Variants in LCA5 observed in about 807,000 individuals in gnomAD.
LCA5 encodes the protein lebercilin.
Under a neutral mutation model 53.0 loss-of-function variants are expected in LCA5, and 37 were observed. That is an observed-to-expected ratio of 0.70 (90% CI 0.54 to 0.92). The LOEUF (loss-of-function observed/expected upper bound fraction) is 0.92. LCA5 is among the 40% of genes least tolerant of loss of function. LCA5 has a pLI of 0.00. For synonymous variants in LCA5, 303 were observed against 282.9 expected (o/e 1.07, Z -0.71); for missense variants, 806 against 790.5 (o/e 1.02, Z -0.23).
chr6:79,492,903 A>ACCT (rs1243931142), intron 4 of LCA5, among the ~76,000 whole-genome samples: 1 of 152,040 alleles, frequency 6.6e-6, no homozygotes, highest in Non-Finnish European at 1.5e-5. Context: ...ACTCATTCTT[A>ACCT]CCTGATAGAG....
At position 79,519,062 on chromosome 6, in the gene LCA5, A is replaced by G. The variant is rs1174525241; in HGVS notation, c.-168T>C. The G allele has an allele frequency of 6.6e-6, 5 of 753,752 alleles. No individual in the cohort carries two copies. The highest frequency in any genetic ancestry group is 1.1e-5 in the Non-Finnish European group (5 of 447,292). 46.7% of individuals were successfully genotyped at this position (753,752 alleles called of 1,614,324 possible). A position where few individuals can be genotyped will look rare whatever the true frequency, so the allele number is the denominator to read the frequency against. ...TTTGTAGACCACAATTCACATTGGC[A>G]TCCAGAAGATAAACTTTTTTGCCCT... On this transcript the variant is annotated 5_prime_UTR_variant, in exon 2 of 8. An upstream start codon of the reference 5' UTR is lost. Transcript: ENST00000369846.
At chr6:79,511,185 A>G (rs1770400500) in intron 3 of LCA5, among the ~76,000 whole-genome samples, 1 of 152,194 alleles carries the variant, frequency 6.6e-6, no homozygotes, top group African/African-American at 2.4e-5. Context: ...AAAAATGTGC[A>G]CATAAGTGGT....
chr6:79,517,371 A>C (rs952733248), intron 2 of LCA5, among the ~76,000 whole-genome samples: 10 of 152,084 alleles, frequency 6.6e-5, no homozygotes, highest in Non-Finnish European at 1.5e-5. Context: ...TTTCTGGGGA[A>C]TGAAGAAAAA....
At chr6:79,516,303 G>A (rs1050228996) in intron 2 of LCA5, among the ~76,000 whole-genome samples, 2 of 151,620 alleles carry the variant, frequency 1.3e-5, no homozygotes, top group South Asian at 2.1e-4. Flanking sequence ...GTATATATAC[G>A]CTATTATGGG....
At chr6:79,507,559 TGGTAG>T (rs923032233) in intron 3 of LCA5, among the ~76,000 whole-genome samples, 10 of 152,026 alleles carry the variant, frequency 6.6e-5, no homozygotes, top group African/African-American at 2.2e-4. Context: ...TGTATATGTA[TGGTAG>T]ATGCACCTGA....
chr6:79,501,992 T>C (rs565930993), intron 3 of LCA5, among the ~76,000 whole-genome samples: 33 of 152,048 alleles, frequency 2.2e-4, no homozygotes, highest in African/African-American at 7.5e-4. Context: ...AGCAGGGCAG[T>C]GGGGGGAAGA....
chr6:79,487,734 T>G lies in LCA5; in HGVS notation c.1364A>C (p.Gln455Pro), dbSNP rs769955953. 5.0e-6 allele frequency: 8 copies of G among 1,613,848 alleles called. 1 individual carries two copies. In the South Asian group the frequency reaches 8.8e-5, roughly 18 times the overall value. ...CTTCAGTCTTTCTTCTTCCTCTCCT[T>G]GCAATTTATCCATATTCTGAATTGG... is the stretch of plus-strand genomic sequence containing the variant. Reference protein sequence around the residue: ...MYPIQNMDKLQGEEEERLKRE... With the variant: ...MYPIQNMDKLPGEEEERLKRE... The change falls in exon 8 of 8, where the codon CAA becomes CCA. Residue 455 changes from glutamine (Q) to proline (P), a missense_variant. Gln to Pro is a moderately conservative substitution (Grantham distance 76). Transcript: ENST00000369846.
At position 79,485,705 on chromosome 6, in the gene LCA5, G is replaced by A. The variant is rs1005001280; in HGVS notation, c.*1299C>T. The A allele has an allele frequency of 6.6e-6, 1 of 151,910 alleles. No homozygotes were observed. The highest frequency in any genetic ancestry group is 2.1e-4 in the South Asian group (1 of 4,810). The allele number at this position is 151,910 out of a possible 1,614,324, so 9.4% of individuals were successfully genotyped here. A position where few individuals can be genotyped will look rare whatever the true frequency, so the allele number is the denominator to read the frequency against. ...TGACTGGCGTCAGAAATCATACTAC[G>A]AGCAAATGCTAGTAAATTCTTGAAA... On this transcript the variant is annotated 3_prime_UTR_variant, in exon 8 of 8. Transcript: ENST00000369846.
intron 5 of LCA5, among the ~76,000 whole-genome samples, chr6:79,492,167 C>G (rs1769862353): frequency 6.6e-6 from 1 of 151,728 alleles, no homozygotes; most frequent in African/African-American, 2.4e-5. Flanking sequence ...TTATAATACT[C>G]TGGAGAAAAG....
At chr6:79,532,659 A>T (rs1303568544) in intron 1 of LCA5, among the ~76,000 whole-genome samples, 1 of 152,130 alleles carries the variant, frequency 6.6e-6, no homozygotes, top group African/African-American at 2.4e-5. Context: ...CTCAGCACAA[A>T]TGTCACCTTC....
At chr6:79,510,536 C>T (rs1052261650) in intron 3 of LCA5, among the ~76,000 whole-genome samples, 4 of 152,086 alleles carry the variant, frequency 2.6e-5, no homozygotes, top group African/African-American at 7.2e-5. Flanking sequence ...GGATAGGTGA[C>T]GTGTTAGACT....
chr6:79,535,688 C>T (rs16890832), intron 1 of LCA5, among the ~76,000 whole-genome samples: 3,877 of 151,958 alleles, frequency 0.026, 60 homozygotes, highest in Middle Eastern at 0.071. Flanking sequence ...AAATTAGCTA[C>T]AAAAGTTTGA....
chr6:79,504,965 T>C (rs946646203), intron 3 of LCA5, among the ~76,000 whole-genome samples: 1 of 152,160 alleles, frequency 6.6e-6, no homozygotes, highest in Non-Finnish European at 1.5e-5. Context: ...CATTAATATA[T>C]AGATATGAGA....
chr6:79,494,733 T>C (rs1222539497), intron 3 of LCA5, among the ~76,000 whole-genome samples: 1 of 152,204 alleles, frequency 6.6e-6, no homozygotes, highest in African/African-American at 2.4e-5. Context: ...TATCGTACTT[T>C]ACAGATTATC....
chr6:79,535,288 T>C (rs1767079370), intron 1 of LCA5, among the ~76,000 whole-genome samples: 1 of 152,058 alleles, frequency 6.6e-6, no homozygotes, highest in Non-Finnish European at 1.5e-5. Flanking sequence ...CCAAGGCTCT[T>C]CAGTAGGGTT....
At chr6:79,489,996 C>T (rs879808807) in intron 6 of LCA5, among the ~76,000 whole-genome samples, 1 of 152,016 alleles carries the variant, frequency 6.6e-6, no homozygotes, top group African/African-American at 2.4e-5. Flanking sequence ...CCCTTTCCCA[C>T]AGGGGTGGAA....
intron 3 of LCA5, among the ~76,000 whole-genome samples, chr6:79,500,671 G>A (rs1034683063): frequency 6.6e-6 from 1 of 152,124 alleles, no homozygotes; most frequent in Non-Finnish European, 1.5e-5. Context: ...AAAGCATACT[G>A]GTTTCATTAT....
At chr6:79,512,387 G>A (rs1454338665) in intron 3 of LCA5, among the ~76,000 whole-genome samples, 1 of 152,012 alleles carries the variant, frequency 6.6e-6, no homozygotes, top group Non-Finnish European at 1.5e-5. Flanking sequence ...CCCCGTCCCT[G>A]GGCATGGCAC....
rs1438574475 is a variant in LCA5, at chr6:79,519,042, A to G, written c.-148T>C. 1.1e-6 allele frequency: 1 copy of G among 881,122 alleles called. No individual in the cohort carries two copies. Among genetic ancestry groups the G allele is most frequent in the Non-Finnish European group, 1.9e-6 (1 of 538,382 alleles). The allele number at this position is 881,122 out of a possible 1,614,324, so 54.6% of individuals were successfully genotyped here. ...TCTATTTTCTCCACAATGTATTTGT[A>G]GACCACAATTCACATTGGCATCCAG... On this transcript the variant is annotated 5_prime_UTR_variant, in exon 2 of 8. Coordinates refer to ENST00000369846, the MANE Select transcript of LCA5 (RefSeq NM_001122769.3).
Sources: allele counts gnomAD v4.1 joint callset (sites outside exome capture counted in the v4.1 genomes callset), GRCh38; gene constraint gnomAD v4.1.1; transcripts MANE v1.5; gene names NCBI Gene and HGNC (gene_info 2026-07-23, HGNC 2026-07-21).